The following BTBD9 variants were observed in gnomAD, a reference collection of about 807,000 sequenced individuals.
The protein encoded by BTBD9 is BTB/POZ domain-containing protein 9.
A neutral mutation model predicts 64.3 loss-of-function variants in BTBD9; 49 were observed. That is an observed-to-expected ratio of 0.76 (90% confidence interval 0.61 to 0.97). BTBD9 has a LOEUF of 0.97. Ranked by LOEUF, BTBD9 falls within the 50% of genes least tolerant of loss-of-function variation. BTBD9 has a pLI of 0.00. For synonymous variants in BTBD9, 260 were observed against 274.7 expected (o/e 0.95, Z 0.53); for missense variants, 598 against 762.1 (o/e 0.78, Z 2.53).
At chr6:38,287,109 T>TACCC (rs1761764319) in intron 8 of BTBD9, among the ~76,000 whole-genome samples, 1 of 87,000 alleles carries the variant, frequency 1.1e-5, no homozygotes, top group African/African-American at 4.9e-5. Flanking sequence ...AAAAAAAATA[T>TACCC]ACACACACAC....
chr6:38,413,649 T>A (rs2127262866), intron 6 of BTBD9, among the ~76,000 whole-genome samples: 1 of 152,240 alleles, frequency 6.6e-6, no homozygotes, highest in Non-Finnish European at 1.5e-5. Flanking sequence ...GACTGGTACA[T>A]CTCTGTTTTA....
intron 1 of BTBD9, among the ~76,000 whole-genome samples, chr6:38,620,606 G>C (rs1410790094): frequency 6.6e-6 from 1 of 152,140 alleles, no homozygotes; most frequent in Non-Finnish European, 1.5e-5. Flanking sequence ...GAACCTTCTA[G>C]CTAATCAAGG....
rs1258444907 is a variant in BTBD9, at chr6:38,602,067, A to G, written c.-27-3946T>C. 2.0e-5 allele frequency among the ~76,000 whole-genome samples: 3 copies of G among 152,322 alleles called. No homozygotes were observed. The East Asian group carries it at 5.8e-4, about 29-fold the overall frequency. On this transcript the variant is annotated intron_variant, in intron 1 of 10. Coordinates refer to ENST00000481247, the MANE Select transcript of BTBD9 (RefSeq NM_001099272.2). ...TTGTTTGGGGATAGAATGATCCAAT[A>G]TTATAAAAAGATCCATATTTTCAAC...
intron 9 of BTBD9, among the ~76,000 whole-genome samples, chr6:38,202,090 T>TG (rs1269881132): frequency 6.7e-6 from 1 of 149,592 alleles, no homozygotes; most frequent in African/African-American, 2.5e-5. Flanking sequence ...TTTTTGTTTT[T>TG]TTTTTTTTTT....
chr6:38,324,616 T>G (rs1488020701), intron 7 of BTBD9, among the ~76,000 whole-genome samples: 1 of 152,160 alleles, frequency 6.6e-6, no homozygotes, highest in Non-Finnish European at 1.5e-5. Context: ...GGTGAGAAAC[T>G]GACCAGGAAT....
At chr6:38,190,207 T>C (rs1761999654) in intron 10 of BTBD9, among the ~76,000 whole-genome samples, 1 of 151,984 alleles carries the variant, frequency 6.6e-6, no homozygotes, top group East Asian at 1.9e-4. Flanking sequence ...GGCTCATGCC[T>C]GTAATCCTAG....
At chr6:38,590,837 C>T (rs918371996) in intron 4 of BTBD9, among the ~76,000 whole-genome samples, 8 of 152,172 alleles carry the variant, frequency 5.3e-5, no homozygotes, top group Admixed American at 4.6e-4. Context: ...TTTCTGGCTT[C>T]TTAGATTTGA....
rs529091547 is a variant in BTBD9, at chr6:38,194,083, G to A, written c.1563-1486C>T. ...CTGGTGGCCTATTTTCTCGGTGGGC[G>A]ACTGCTGTCCTCCCAGACCCCCAGC... On this transcript the variant is annotated intron_variant, in intron 9 of 10. Transcript: ENST00000481247. Among the ~76,000 whole-genome samples the A allele has an allele frequency of 2.5e-3, 361 of 145,346 alleles. 1 individual carries two copies. The highest frequency in any genetic ancestry group is 7.1e-3 in the African/African-American group (282 of 39,444).
At chr6:38,635,324 T>C (rs771619612) in intron 1 of BTBD9, among the ~76,000 whole-genome samples, 24 of 152,092 alleles carry the variant, frequency 1.6e-4, no homozygotes, top group African/African-American at 3.4e-4. Context: ...TTAGTAGAGA[T>C]AGGGTTTCAC....
intron 7 of BTBD9, among the ~76,000 whole-genome samples, chr6:38,306,486 T>C (rs1188627002): frequency 6.6e-6 from 1 of 152,274 alleles, no homozygotes; most frequent in African/African-American, 2.4e-5. Context: ...TGCTTCTGAA[T>C]GCAAAAGTTG....
chr6:38,459,303 C>T (rs995373987), intron 6 of BTBD9, among the ~76,000 whole-genome samples: 1 of 152,196 alleles, frequency 6.6e-6, no homozygotes, highest in East Asian at 1.9e-4. Context: ...CAGGCGTGAG[C>T]CATGTGCCTG....
At chr6:38,278,145 A>G (rs2127548873) in intron 8 of BTBD9, among the ~76,000 whole-genome samples, 1 of 152,220 alleles carries the variant, frequency 6.6e-6, no homozygotes, top group East Asian at 1.9e-4. Flanking sequence ...AAACACAGAC[A>G]TGGTAGCTAA....
rs752811292 is a variant in BTBD9, at chr6:38,577,610, G to A, written c.1144C>T (p.Arg382Cys). 18 of 1,606,908 alleles carry A rather than the reference G, an allele frequency of 1.1e-5. No homozygotes were observed. The highest frequency in any genetic ancestry group is 3.4e-5 in the Admixed American group (2 of 59,274). Residue 382 changes from arginine (R) to cysteine (C), a missense_variant, in exon 6 of 11, where the codon CGT becomes TGT. Physicochemically the swap from Arg to Cys is radical, Grantham distance 180. Transcript: ENST00000481247. ...CCACTGAAAACTAACCTGCAGACACGGGCTGGAAAATATAATTTCTGCCAA... is the reference window on the plus strand; with the variant it reads ...CCACTGAAAACTAACCTGCAGACACAGGCTGGAAAATATAATTTCTGCCAA... ...RSWQKLYFPARVCRYIRIVGT... is the reference protein window; with the variant it reads ...RSWQKLYFPACVCRYIRIVGT...
At chr6:38,495,150 G>A (rs1771894681) in intron 6 of BTBD9, among the ~76,000 whole-genome samples, 1 of 152,130 alleles carries the variant, frequency 6.6e-6, no homozygotes, top group Non-Finnish European at 1.5e-5. Flanking sequence ...CAATGGCTGT[G>A]GCCTTGCATC....
intron 1 of BTBD9, among the ~76,000 whole-genome samples, chr6:38,621,642 C>G (rs1777986958): frequency 6.6e-6 from 1 of 152,198 alleles, no homozygotes; most frequent in Admixed American, 6.5e-5. Context: ...CTTATCTAAT[C>G]CTACATGCCC....
At chr6:38,252,649 A>G (rs1459950427) in intron 9 of BTBD9, among the ~76,000 whole-genome samples, 3 of 152,244 alleles carry the variant, frequency 2.0e-5, no homozygotes, top group Non-Finnish European at 4.4e-5. Flanking sequence ...CCAATGAAAA[A>G]AAATTTAAAG....
intron 6 of BTBD9, among the ~76,000 whole-genome samples, chr6:38,425,959 A>AC (rs1562168534): frequency 1.1e-5 from 1 of 89,244 alleles, no homozygotes; most frequent in African/African-American, 3.7e-5. Context: ...CACACACACA[A>AC]ACAAAAGCAA....
At chr6:38,209,549 C>T (rs1410311409) in intron 9 of BTBD9, among the ~76,000 whole-genome samples, 9 of 152,256 alleles carry the variant, frequency 5.9e-5, no homozygotes, top group African/African-American at 1.7e-4. Context: ...CAGAAACACC[C>T]GTGGAGCTAA....
chr6:38,249,982 C>T (rs1039140004), intron 9 of BTBD9, among the ~76,000 whole-genome samples: 1 of 152,106 alleles, frequency 6.6e-6, no homozygotes, highest in African/African-American at 2.4e-5. Flanking sequence ...TAGTTTCTGA[C>T]CAGATATTTA....
Sources: gnomAD v4.1 joint callset for allele counts (sites outside exome capture counted in the v4.1 genomes callset) on GRCh38, gnomAD v4.1.1 for gene constraint, MANE v1.5 for transcripts, NCBI Gene and HGNC (gene_info 2026-07-23, HGNC 2026-07-21) for gene names.